Variants in TLNRD1 observed in about 807,000 individuals in gnomAD.
The protein encoded by TLNRD1 is talin rod domain-containing protein 1.
A neutral mutation model predicts 19.5 loss-of-function variants in TLNRD1; 14 were observed. The observed-to-expected ratio is 0.72, with a 90% CI of 0.47 to 1.12. TLNRD1 has a LOEUF of 1.12. TLNRD1 is among the 50% of genes most tolerant of loss of function. The pLI, the probability that TLNRD1 is intolerant of heterozygous loss-of-function variation, is 0.00. For missense variants in TLNRD1, 569 were observed against 531.9 expected, an observed-to-expected ratio of 1.07 and a Z score of -0.69; for synonymous variants, 345 against 261.7, an observed-to-expected ratio of 1.32 and a Z score of -3.07.
In TLNRD1 at chr15:81,001,027, G is replaced by A. The variant is rs1893398620; in HGVS notation, c.-1245G>A. On this transcript the variant is annotated 5_prime_UTR_variant, in exon 1 of 1. Coordinates refer to ENST00000267984, the MANE Select transcript of TLNRD1 (RefSeq NM_022566.3). ...ACAGGAAAAGCCTCCGGCAGCCCCT[G>A]CGGGCGGCGGCGCAGCCACGGCCGC... The A allele has an allele frequency of 6.5e-6, 1 of 153,564 alleles. No individual in the cohort carries two copies. The allele number at this position is 153,564 out of a possible 1,614,324, so 9.5% of individuals were successfully genotyped here.
In TLNRD1 at chr15:81,003,737, A is replaced by G; in HGVS notation, c.*377A>G. 1 of 188,584 alleles carries G rather than the reference A, an allele frequency of 5.3e-6. No individual in the cohort carries two copies. Among genetic ancestry groups the G allele is most frequent in the Admixed American group, 6.2e-5 (1 of 16,066 alleles). The allele number at this position is 188,584 out of a possible 1,614,324, so 11.7% of individuals were successfully genotyped here. A position where few individuals can be genotyped will look rare whatever the true frequency, so the allele number is the denominator to read the frequency against. On this transcript the variant is annotated 3_prime_UTR_variant, in exon 1 of 1. Transcript: ENST00000267984. Reference sequence around the variant, plus strand: ...TGTGTTTTTAATTAAAAGAAAGGTTACCTCAGTTTTCACTCCTTAGACATG... The same window carrying G: ...TGTGTTTTTAATTAAAAGAAAGGTTGCCTCAGTTTTCACTCCTTAGACATG...
rs529223114 is a variant in TLNRD1, at chr15:81,003,788, C to CT, written c.*440dup. On this transcript the variant is annotated 3_prime_UTR_variant, in exon 1 of 1. Transcript: ENST00000267984. The stretch of plus-strand genomic sequence containing the variant: ...GATGTAGCTACCTTTTTTTGTATGT[C>CT]TTTTTTTTTTTTAAGCAATCGTGTT... The CT allele has an allele frequency of 0.064, 9,812 of 152,906 alleles. 1,001 individuals are homozygous for CT. The highest frequency in any genetic ancestry group is 0.23 in the African/African-American group (8,895 of 39,072). The allele number at this position is 152,906 out of a possible 1,614,324, so 9.5% of individuals were successfully genotyped here.
At position 81,002,714 on chromosome 15, in the gene TLNRD1, T is replaced by C; in HGVS notation, c.443T>C (p.Val148Ala). 1.3e-6 allele frequency: 2 copies of C among 1,525,752 alleles called. No individual in the cohort carries two copies. The highest frequency in any genetic ancestry group is 1.7e-6 in the Non-Finnish European group (2 of 1,142,888). The allele number at this position is 1,525,752 out of a possible 1,614,324, so 94.5% of individuals were successfully genotyped here. A position where few individuals can be genotyped will look rare whatever the true frequency, so the allele number is the denominator to read the frequency against. ...PGAQPAQPGL[V>A]DRYRVTRCRH... ...GCCCAGCCCGCGCAGCCGGGCCTGGTGGACCGCTACCGCGTGACGCGATGC... is the reference window on the plus strand; with the variant it reads ...GCCCAGCCCGCGCAGCCGGGCCTGGCGGACCGCTACCGCGTGACGCGATGC... The change falls in exon 1 of 1, where the codon GTG becomes GCG. Residue 148 changes from valine to alanine, a missense_variant. By Grantham distance (64) the Val-to-Ala change is moderately conservative (BLOSUM62 0). Coordinates refer to ENST00000267984, the MANE Select transcript of TLNRD1 (RefSeq NM_022566.3).
rs1595890947 is a variant in TLNRD1 at position 81,002,376 on chromosome 15, C to A, written c.105C>A (p.Ser35=). ...CGCAGCCGCGGAAGAGGCTGGTATC[C>A]GTCTGCGACCACTGCAAGGGCAAGA... ...ASSQPRKRLV[S]VCDHCKGKMQ... Residue 35 remains serine, a synonymous_variant, in exon 1 of 1, where the codon TCC becomes TCA. Transcript: ENST00000267984. 1.1e-5 allele frequency: 17 copies of A among 1,516,558 alleles called. No individual in the cohort carries two copies. The highest frequency in any genetic ancestry group is 2.7e-5 in the East Asian group (1 of 37,506). The allele number at this position is 1,516,558 out of a possible 1,614,324, so 93.9% of individuals were successfully genotyped here. A position where few individuals can be genotyped will look rare whatever the true frequency, so the allele number is the denominator to read the frequency against.
Position 81,001,205 on chromosome 15 carries a change from C to G in TLNRD1, c.-1067C>G, listed in dbSNP as rs952692086. 4 of 152,622 alleles carry G rather than the reference C, an allele frequency of 2.6e-5. No homozygotes were observed. The highest frequency in any genetic ancestry group is 5.8e-5 in the Non-Finnish European group (4 of 68,466). The allele number at this position is 152,622 out of a possible 1,614,324, so 9.5% of individuals were successfully genotyped here. ...GGGGCCCGGGCCGGTTGCCGCAGCG[C>G]CGCGGGGACCTTCTGAGTTGGCCCG... On this transcript the variant is annotated 5_prime_UTR_variant, in exon 1 of 1. Transcript: ENST00000267984.
At position 81,002,823 on chromosome 15, in the gene TLNRD1, G is replaced by A. The variant is rs759515265; in HGVS notation, c.552G>A (p.Ser184=). 4 of 1,585,592 alleles carry A rather than the reference G, an allele frequency of 2.5e-6. No individual in the cohort carries two copies. The highest frequency in any genetic ancestry group is 2.3e-5 in the East Asian group (1 of 44,258). ...DMTPQLLLEV[S]QGLSRNLKFL... Reference sequence around the variant, plus strand: ...CGCCGCAGCTGCTGCTGGAGGTGTCGCAGGGCCTGTCGCGCAACCTCAAGT... The same window carrying A: ...CGCCGCAGCTGCTGCTGGAGGTGTCACAGGGCCTGTCGCGCAACCTCAAGT... Residue 184 remains serine, a synonymous_variant, in exon 1 of 1, where the codon TCG becomes TCA. Transcript: ENST00000267984.
chr15:81,003,529 C>A lies in TLNRD1; in HGVS notation c.*169C>A. 1 of 741,692 alleles carries A rather than the reference C, an allele frequency of 1.3e-6. No individual in the cohort carries two copies. The highest frequency in any genetic ancestry group is 2.2e-6 in the Non-Finnish European group (1 of 461,038). 45.9% of individuals were successfully genotyped at this position (741,692 alleles called of 1,614,324 possible). A position where few individuals can be genotyped will look rare whatever the true frequency, so the allele number is the denominator to read the frequency against. ...GGCAGGGCCATGCACGCAACCTGCA[C>A]ACGCACTTGGAGGGCCCAGGTGTCT... On this transcript the variant is annotated 3_prime_UTR_variant, in exon 1 of 1. Coordinates refer to ENST00000267984, the MANE Select transcript of TLNRD1 (RefSeq NM_022566.3).
chr15:81,001,902 C>G lies in TLNRD1; in HGVS notation c.-370C>G, dbSNP rs2141826379. 1 of 163,288 alleles carries G rather than the reference C, an allele frequency of 6.1e-6. No homozygotes were observed. The highest frequency in any genetic ancestry group is 2.9e-3 in the Middle Eastern group (1 of 350). The allele number at this position is 163,288 out of a possible 1,614,324, so 10.1% of individuals were successfully genotyped here. On this transcript the variant is annotated 5_prime_UTR_variant, in exon 1 of 1. Coordinates refer to ENST00000267984, the MANE Select transcript of TLNRD1 (RefSeq NM_022566.3). ...CCGCGCCAGGCCATGCCCAAGAAGG[C>G]GGCGGCGGCGGCGAACCAGCAGAAG... is the stretch of plus-strand genomic sequence containing the variant.
In TLNRD1 at chr15:81,003,291, A is replaced by G. The variant is rs781559043; in HGVS notation, c.1020A>G (p.Leu340=). ...CCGTGTCTGAAGGCTGCACCCTGCT[A>G]TCTCAGGCTTTAAGGGAGAGGTCTT... is the stretch of plus-strand genomic sequence containing the variant. ...ACAVSEGCTL[L]SQALRERSSP... The change falls in exon 1 of 1, where the codon CTA becomes CTG. Residue 340 remains leucine (L), a synonymous_variant. Coordinates refer to ENST00000267984, the MANE Select transcript of TLNRD1 (RefSeq NM_022566.3). 3.1e-6 allele frequency: 5 copies of G among 1,611,974 alleles called. No individual in the cohort carries two copies. Among genetic ancestry groups the G allele is most frequent in the East Asian group, 4.5e-5 (2 of 44,862 alleles).
Position 81,003,902 on chromosome 15 carries a change from T to A in TLNRD1, c.*542T>A, listed in dbSNP as rs549322151. The A allele has an allele frequency of 1.8e-5, 3 of 166,834 alleles. No homozygotes were observed. Among genetic ancestry groups the A allele is most frequent in the African/African-American group, 7.2e-5 (3 of 41,422 alleles). 10.3% of individuals were successfully genotyped at this position (166,834 alleles called of 1,614,324 possible). ...AAGCTACTGTGAGCGTGTGTTTTTT[T>A]AATTTACACTATAGAGTGATTTTTT... On this transcript the variant is annotated 3_prime_UTR_variant, in exon 1 of 1. Transcript: ENST00000267984.
In TLNRD1 at chr15:81,002,539, T is replaced by A; in HGVS notation, c.268T>A (p.Ser90Thr). The change falls in exon 1 of 1, where the codon TCC becomes ACC. Residue 90 changes from serine (S) to threonine (T), a missense_variant. Coordinates refer to ENST00000267984, the MANE Select transcript of TLNRD1 (RefSeq NM_022566.3). ...DTIIARTKGL[S>T]ILTHDVQSQL... is the part of the protein sequence containing the mutation. ...CATCATCGCGCGCACCAAGGGGCTC[T>A]CCATCCTCACCCACGACGTGCAGAG... The A allele has an allele frequency of 6.9e-7, 1 of 1,459,384 alleles. No individual in the cohort carries two copies. The highest frequency in any genetic ancestry group is 9.0e-7 in the Non-Finnish European group (1 of 1,110,066). The allele number at this position is 1,459,384 out of a possible 1,614,324, so 90.4% of individuals were successfully genotyped here. A position where few individuals can be genotyped will look rare whatever the true frequency, so the allele number is the denominator to read the frequency against.
At position 81,003,414 on chromosome 15, in the gene TLNRD1, T is replaced by A; in HGVS notation, c.*54T>A. On this transcript the variant is annotated 3_prime_UTR_variant, in exon 1 of 1. Coordinates refer to ENST00000267984, the MANE Select transcript of TLNRD1 (RefSeq NM_022566.3). Reference sequence around the variant, plus strand: ...CCCCAGACTAAAGGAAGATACTTACTCTCTGCCCCTCTCCATTTATACCAA... The same window carrying A: ...CCCCAGACTAAAGGAAGATACTTACACTCTGCCCCTCTCCATTTATACCAA... 1 of 1,486,578 alleles carries A rather than the reference T, an allele frequency of 6.7e-7. No individual in the cohort carries two copies. Among genetic ancestry groups the A allele is most frequent in the South Asian group, 1.3e-5 (1 of 74,222 alleles). The allele number at this position is 1,486,578 out of a possible 1,614,324, so 92.1% of individuals were successfully genotyped here. A position where few individuals can be genotyped will look rare whatever the true frequency, so the allele number is the denominator to read the frequency against.
At position 81,005,172 on chromosome 15, in the gene TLNRD1, G is replaced by A; in HGVS notation, c.*1812G>A. 1 of 167,156 alleles carries A rather than the reference G, an allele frequency of 6.0e-6. No individual in the cohort carries two copies. 10.4% of individuals were successfully genotyped at this position (167,156 alleles called of 1,614,324 possible). A position where few individuals can be genotyped will look rare whatever the true frequency, so the allele number is the denominator to read the frequency against. On this transcript the variant is annotated 3_prime_UTR_variant, in exon 1 of 1. Coordinates refer to ENST00000267984, the MANE Select transcript of TLNRD1 (RefSeq NM_022566.3). ...TTTGAAAAAGTCTTAAAGTGGTAGG[G>A]TACTTAAATTTTTAAAAAAATGACC...
rs148168577 is a variant in TLNRD1, at chr15:81,004,886, G to A, written c.*1526G>A. The A allele has an allele frequency of 1.2e-5, 2 of 167,178 alleles. No individual in the cohort carries two copies. Among genetic ancestry groups the A allele is most frequent in the African/African-American group, 4.8e-5 (2 of 41,560 alleles). 10.4% of individuals were successfully genotyped at this position (167,178 alleles called of 1,614,324 possible). On this transcript the variant is annotated 3_prime_UTR_variant, in exon 1 of 1. Coordinates refer to ENST00000267984, the MANE Select transcript of TLNRD1 (RefSeq NM_022566.3). ...CCTGAAGCCTGGGAGAGCCACATGA[G>A]TAAAAACTCGTACGTGGTTTAGATT...
Position 81,002,844 on chromosome 15 carries a change from C to G in TLNRD1, c.573C>G (p.Leu191=). The change falls in exon 1 of 1, where the codon CTC becomes CTG. Residue 191 remains leucine, a synonymous_variant. Transcript: ENST00000267984. ...TGTCGCAGGGCCTGTCGCGCAACCT[C>G]AAGTTCCTGACGGACGCGTGCGCCC... ...LEVSQGLSRN[L]KFLTDACALA... 1.3e-6 allele frequency: 2 copies of G among 1,594,566 alleles called. No individual in the cohort carries two copies. Among genetic ancestry groups the G allele is most frequent in the South Asian group, 1.1e-5 (1 of 90,610 alleles).
At position 81,005,535 on chromosome 15, in the gene TLNRD1, GAA is replaced by G. The variant is rs774837325; in HGVS notation, c.*2181_*2182del. The G allele has an allele frequency of 6.6e-5, 11 of 166,818 alleles. No homozygotes were observed. Among genetic ancestry groups the G allele is most frequent in the Non-Finnish European group, 1.2e-4 (8 of 68,060 alleles). 10.3% of individuals were successfully genotyped at this position (166,818 alleles called of 1,614,324 possible). On this transcript the variant is annotated 3_prime_UTR_variant, in exon 1 of 1. Transcript: ENST00000267984. ...ATCTGTAAATTTGGTATTAGATTAAGAAAAAAAGAATTGCCAGTTTTTTCCTG... is the reference window on the plus strand; with the variant it reads ...ATCTGTAAATTTGGTATTAGATTAAGAAAAAGAATTGCCAGTTTTTTCCTG...
In TLNRD1 at chr15:81,002,685, G is replaced by C; in HGVS notation, c.414G>C (p.Pro138=). The change falls in exon 1 of 1, where the codon CCG becomes CCC. Residue 138 remains proline (P), a synonymous_variant. Transcript: ENST00000267984. ...HAAYLAAVAT[P]GAQPAQPGLV... ...CCTATCTGGCCGCTGTGGCCACGCC[G>C]GGCGCCCAGCCCGCGCAGCCGGGCC... 6.8e-7 allele frequency: 1 copy of C among 1,466,434 alleles called. No individual in the cohort carries two copies. The highest frequency in any genetic ancestry group is 1.5e-5 in the African/African-American group (1 of 68,070). 90.8% of individuals were successfully genotyped at this position (1,466,434 alleles called of 1,614,324 possible). A position where few individuals can be genotyped will look rare whatever the true frequency, so the allele number is the denominator to read the frequency against.
rs371119729 is a variant in TLNRD1 at position 81,003,575 on chromosome 15, T to C, written c.*215T>C. 3.7e-6 allele frequency: 2 copies of C among 535,598 alleles called. No homozygotes were observed. The highest frequency in any genetic ancestry group is 3.6e-5 in the Admixed American group (1 of 28,018). 33.2% of individuals were successfully genotyped at this position (535,598 alleles called of 1,614,324 possible). A position where few individuals can be genotyped will look rare whatever the true frequency, so the allele number is the denominator to read the frequency against. Reference sequence around the variant, plus strand: ...TGTCTCTCCACCAGCCCCCATGCAGTAGGGACTGGAAGATATGTCATCTGC... The same window carrying C: ...TGTCTCTCCACCAGCCCCCATGCAGCAGGGACTGGAAGATATGTCATCTGC... On this transcript the variant is annotated 3_prime_UTR_variant, in exon 1 of 1. Coordinates refer to ENST00000267984, the MANE Select transcript of TLNRD1 (RefSeq NM_022566.3).
At position 81,003,630 on chromosome 15, in the gene TLNRD1, C is replaced by G. The variant is rs1031042906; in HGVS notation, c.*270C>G. On this transcript the variant is annotated 3_prime_UTR_variant, in exon 1 of 1. Transcript: ENST00000267984. The stretch of plus-strand genomic sequence containing the variant: ...TGTGTTATCACTCCCACCCCCTACC[C>G]CAGCCCGTCTTCCGGAATTTCTCAA... The G allele has an allele frequency of 2.7e-6, 1 of 373,746 alleles. No homozygotes were observed. Among genetic ancestry groups the G allele is most frequent in the African/African-American group, 2.1e-5 (1 of 47,838 alleles). 23.2% of individuals were successfully genotyped at this position (373,746 alleles called of 1,614,324 possible).
Sources: gnomAD v4.1 joint callset for allele counts on GRCh38, gnomAD v4.1.1 for gene constraint, MANE v1.5 for transcripts, NCBI Gene and HGNC (gene_info 2026-07-23, HGNC 2026-07-21) for gene names.